The following PCDH15 variants were observed in gnomAD, a reference collection of about 807,000 sequenced individuals.
PCDH15 encodes protocadherin-15.
A neutral mutation model predicts 178.5 loss-of-function variants in PCDH15; 129 were observed. That is an observed-to-expected ratio of 0.72 (90% CI 0.63 to 0.84). PCDH15 has a LOEUF of 0.84. PCDH15 is among the 40% of genes least tolerant of loss of function. The pLI is 0.00. For synonymous variants in PCDH15, 800 were observed against 732.0 expected (o/e 1.09, Z -1.50); for missense variants, 2,230 against 2,099.9 (o/e 1.06, Z -1.21).
rs142011670 is a variant in PCDH15 at position 54,133,858 on chromosome 10, TACAC to T, written c.1785-855_1785-852del. ...GTGAAAAAACATATATATGTATACA[TACAC>T]ACACACACACACACATATATACACA... On this transcript the variant is annotated intron_variant, in intron 14 of 37. Transcript: ENST00000644397. 2.6e-4 allele frequency among the ~76,000 whole-genome samples: 35 copies of T among 133,964 alleles called. 1 individual carries two copies. In the South Asian group the frequency reaches 3.3e-3, roughly 13 times the overall value. 87.9% of individuals were successfully genotyped at this position (133,964 alleles called of 152,430 possible).
chr10:53,806,920 G>A lies in PCDH15; in HGVS notation c.4882C>T (p.Pro1628Ser). 1 of 1,613,808 alleles carries A rather than the reference G, an allele frequency of 6.2e-7. No individual in the cohort carries two copies. Among genetic ancestry groups the A allele is most frequent in the South Asian group, 1.1e-5 (1 of 91,084 alleles). The change falls in exon 38 of 38, where the codon CCT (proline) becomes TCT (serine). Residue 1628 changes from proline to serine, a missense_variant. Coordinates refer to ENST00000644397, the MANE Select transcript of PCDH15 (RefSeq NM_001384140.1). ...CLTDNLKVASPVRLGGPFKKL... is the reference protein window; with the variant it reads ...CLTDNLKVASSVRLGGPFKKL... ...TTAAAGGGCCCTCCCAGTCGAACAGGGGAAGCAACTTTTAAGTTGTCCGTG... is the reference window on the plus strand; with the variant it reads ...TTAAAGGGCCCTCCCAGTCGAACAGAGGAAGCAACTTTTAAGTTGTCCGTG...
chr10:54,942,228 T>C (rs1838081363), intron 2 of PCDH15, among the ~76,000 whole-genome samples: 2 of 152,064 alleles, frequency 1.3e-5, no homozygotes, highest in Non-Finnish European at 1.5e-5. Flanking sequence ...TTTCTCTTCT[T>C]GGGTCAAACC....
chr10:55,214,705 G>T (rs2132175004), intron 1 of PCDH15, among the ~76,000 whole-genome samples: 1 of 151,966 alleles, frequency 6.6e-6, no homozygotes, highest in East Asian at 1.9e-4. Context: ...TGGAACTCCT[G>T]GGCTCAAGAG....
At chr10:54,096,309 A>G (rs774064638) in intron 15 of PCDH15, among the ~76,000 whole-genome samples, 3 of 151,830 alleles carry the variant, frequency 2.0e-5, no homozygotes, top group Non-Finnish European at 4.4e-5. Context: ...TTGTTTCTCA[A>G]TGTCACTGCC....
intron 28 of PCDH15, among the ~76,000 whole-genome samples, chr10:53,853,123 A>T (rs2078494094): frequency 1.3e-5 from 2 of 152,142 alleles, no homozygotes; most frequent in Non-Finnish European, 2.9e-5. Flanking sequence ...CTCTAAATTT[A>T]CATAGGTTTT....
At chr10:54,744,492 C>G (rs1387225483) in intron 1 of PCDH15, among the ~76,000 whole-genome samples, 1 of 151,996 alleles carries the variant, frequency 6.6e-6, no homozygotes, top group East Asian at 1.9e-4. Flanking sequence ...GAACTAGATA[C>G]AGTTAACATA....
Position 54,079,741 on chromosome 10 carries a change from A to G in PCDH15, c.1998-317T>C, listed in dbSNP as rs1409835639. ...ATCTTGTTTTCGATTATTTCAAGAG[A>G]AAAGACTTCATTATTCCTTAGCAGT... On this transcript the variant is annotated intron_variant, in intron 16 of 37. Transcript: ENST00000644397. 5.3e-5 allele frequency among the ~76,000 whole-genome samples: 8 copies of G among 152,284 alleles called. No individual in the cohort carries two copies. In the East Asian group the frequency reaches 1.5e-3, roughly 29 times the overall value.
At chr10:55,011,696 T>G (rs1050234331) in intron 2 of PCDH15, among the ~76,000 whole-genome samples, 2 of 151,754 alleles carry the variant, frequency 1.3e-5, no homozygotes, top group Non-Finnish European at 2.9e-5. Context: ...GGGGAAGAAA[T>G]AGAAGTACAT....
At chr10:55,439,719 T>C (rs1046720662) in intron 2 of PCDH15, among the ~76,000 whole-genome samples, 3 of 152,070 alleles carry the variant, frequency 2.0e-5, no homozygotes, top group African/African-American at 4.8e-5. Flanking sequence ...AATCACTCAC[T>C]GATTGCTTGG....
chr10:54,878,160 G>A (rs985965464), intron 3 of PCDH15, among the ~76,000 whole-genome samples: 6 of 151,164 alleles, frequency 4.0e-5, no homozygotes, highest in South Asian at 2.1e-4. Flanking sequence ...ACGGGGTTTC[G>A]CCATGTTGTC....
chr10:54,584,536 A>G (rs183738563), intron 2 of PCDH15, among the ~76,000 whole-genome samples: 7 of 152,284 alleles, frequency 4.6e-5, no homozygotes, highest in Non-Finnish European at 8.8e-5. Context: ...AAATCTATCC[A>G]GGGTAATATA....
intron 18 of PCDH15, among the ~76,000 whole-genome samples, chr10:54,066,210 A>G (rs1183009581): frequency 1.3e-5 from 2 of 152,232 alleles, no homozygotes; most frequent in Non-Finnish European, 1.5e-5. Flanking sequence ...TGTTTTAACA[A>G]TAAAGGAATT....
At chr10:54,877,537 T>G (rs1372782527) in intron 3 of PCDH15, among the ~76,000 whole-genome samples, 2 of 152,200 alleles carry the variant, frequency 1.3e-5, no homozygotes, top group Non-Finnish European at 2.9e-5. Context: ...CATTGAAATT[T>G]TCAATAATAC....
Position 54,244,928 on chromosome 10 carries a change from T to A in PCDH15, c.877-7997A>T, listed in dbSNP as rs140137550. Reference sequence around the variant, plus strand: ...GTTCATAATTTTAGTCTCATTAAATTTGGATGAATATTTCAATGATAATAA... The same window carrying A: ...GTTCATAATTTTAGTCTCATTAAATATGGATGAATATTTCAATGATAATAA... On this transcript the variant is annotated intron_variant, in intron 8 of 37. Transcript: ENST00000644397. Among the ~76,000 whole-genome samples, 1,169 of 152,270 alleles carry A rather than the reference T, an allele frequency of 7.7e-3. 8 individuals carry two copies. Among genetic ancestry groups the A allele is most frequent in the Non-Finnish European group, 0.013 (895 of 68,000 alleles).
At chr10:54,578,756 T>A (rs1214057514) in intron 2 of PCDH15, among the ~76,000 whole-genome samples, 2 of 152,118 alleles carry the variant, frequency 1.3e-5, no homozygotes, top group Non-Finnish European at 2.9e-5. Flanking sequence ...TGGCATAAAT[T>A]ATTTAAGTCA....
At chr10:54,528,001 C>A in intron 2 of PCDH15, 124 bp from the exon 3 acceptor site, 1 of 723,746 alleles carries the variant, frequency 1.4e-6, no homozygotes. Flanking sequence ...TAATATGCAT[C>A]ACTACAATTA....
intron 14 of PCDH15, among the ~76,000 whole-genome samples, chr10:54,140,318 T>C (rs2043277336): frequency 2.0e-5 from 3 of 152,144 alleles, no homozygotes; most frequent in Non-Finnish European, 1.5e-5. Context: ...AAATGTATAG[T>C]GGTACTGCTG....
At chr10:54,485,030 C>G (rs2078999427) in intron 3 of PCDH15, among the ~76,000 whole-genome samples, 1 of 151,800 alleles carries the variant, frequency 6.6e-6, no homozygotes, top group South Asian at 2.1e-4. Context: ...TGTGAAGACA[C>G]TCATAATTAA....
chr10:54,314,768 A>G (rs1395890956), intron 8 of PCDH15, among the ~76,000 whole-genome samples: 1 of 151,974 alleles, frequency 6.6e-6, no homozygotes, highest in Non-Finnish European at 1.5e-5. Context: ...CCTCCCACTT[A>G]TATGTGAGAA....
Sources: gnomAD v4.1 joint callset for allele counts (sites outside exome capture counted in the v4.1 genomes callset) on GRCh38, gnomAD v4.1.1 for gene constraint, MANE v1.5 for transcripts, NCBI Gene and HGNC (gene_info 2026-07-23, HGNC 2026-07-21) for gene names.